STXBP6: variants seen among roughly 807,000 people sequenced by gnomAD.
The protein encoded by STXBP6 is syntaxin binding protein 6.
STXBP6 carries 21 observed loss-of-function variants against 26.9 expected under a neutral mutation model. That is an observed-to-expected ratio of 0.78 (90% CI 0.55 to 1.12). STXBP6 has a LOEUF of 1.12. Among genes scored for constraint, STXBP6 ranks in the 50% most tolerant of loss-of-function variants. The probability of loss-of-function intolerance (pLI) is 0.00; values close to 1 mark genes in which losing one functional copy is unlikely to be tolerated. For synonymous variants in STXBP6, 97 were observed against 92.6 expected (o/e 1.05, Z -0.27); for missense variants, 232 against 257.9 (o/e 0.90, Z 0.69).
intron 2 of STXBP6, among the ~76,000 whole-genome samples, chr14:24,907,632 T>A (rs1450211952): frequency 6.6e-6 from 1 of 152,154 alleles, no homozygotes; most frequent in African/African-American, 2.4e-5. Context: ...ATTTAATTTC[T>A]TAAGAATAAA....
At chr14:24,966,799 C>A (rs1595210248) in intron 2 of STXBP6, among the ~76,000 whole-genome samples, 1 of 152,306 alleles carries the variant, frequency 6.6e-6, no homozygotes, top group East Asian at 1.9e-4. Context: ...CCAGGGAGTT[C>A]ATTTGCTCTC....
intron 1 of STXBP6, among the ~76,000 whole-genome samples, chr14:25,028,683 C>T (rs923799335): frequency 1.3e-5 from 2 of 152,056 alleles, no homozygotes; most frequent in Non-Finnish European, 2.9e-5. Flanking sequence ...TTAAGAAATA[C>T]CTTTCATTAG....
intron 1 of STXBP6, among the ~76,000 whole-genome samples, chr14:25,014,307 C>T (rs769701104): frequency 2.0e-5 from 3 of 152,024 alleles, no homozygotes; most frequent in Non-Finnish European, 2.9e-5. Context: ...CCAGCCTGGC[C>T]AACATGGTGT....
At chr14:24,981,912 T>G (rs2074202578) in intron 1 of STXBP6, among the ~76,000 whole-genome samples, 1 of 152,164 alleles carries the variant, frequency 6.6e-6, no homozygotes, top group Non-Finnish European at 1.5e-5. Context: ...TTGGAAAAAT[T>G]GCCAAGAAAT....
intron 2 of STXBP6, among the ~76,000 whole-genome samples, chr14:24,867,128 C>T (rs1392600210): frequency 6.6e-6 from 1 of 152,118 alleles, no homozygotes; most frequent in African/African-American, 2.4e-5. Context: ...GCCATGAGAG[C>T]TCCAACCTCA....
intron 2 of STXBP6, among the ~76,000 whole-genome samples, chr14:24,946,527 G>T: frequency 6.6e-6 from 1 of 152,210 alleles, no homozygotes; most frequent in East Asian, 1.9e-4. Flanking sequence ...ATGCTACTGA[G>T]AGATTGGTGA....
chr14:24,969,719 A>G (rs534017709), intron 2 of STXBP6, among the ~76,000 whole-genome samples: 2 of 152,344 alleles, frequency 1.3e-5, no homozygotes, highest in South Asian at 4.1e-4. Context: ...CACATGAGTG[A>G]GCAAGAATGA....
At chr14:24,844,964 G>T (rs1195554380) in intron 4 of STXBP6, among the ~76,000 whole-genome samples, 1 of 151,670 alleles carries the variant, frequency 6.6e-6, no homozygotes, top group Non-Finnish European at 1.5e-5. Flanking sequence ...TCAAGGAAAA[G>T]AATGATTTTT....
intron 2 of STXBP6, among the ~76,000 whole-genome samples, chr14:24,922,333 G>A (rs2139821536): frequency 6.6e-6 from 1 of 152,130 alleles, no homozygotes; most frequent in Middle Eastern, 3.4e-3. Context: ...AGTGAGTGGG[G>A]GAACCAGGTA....
rs2072767731 is a variant in STXBP6 at position 24,940,621 on chromosome 14, TG to T, written c.154+34043del. Among the ~76,000 whole-genome samples the T allele has an allele frequency of 4.6e-5, 7 of 152,188 alleles. 2 individuals carry two copies. Among genetic ancestry groups the T allele is most frequent in the Admixed American group, 3.9e-4 (6 of 15,282 alleles). ...GGTATGTGTCAGAGACCTGTTGACC[TG>T]GATGCAAACCTTTTCCAAAATCAAT... On this transcript the variant is annotated intron_variant, in intron 2 of 5. Coordinates refer to ENST00000323944, the MANE Select transcript of STXBP6 (RefSeq NM_001394410.1).
chr14:25,003,448 A>C (rs1490317695), intron 1 of STXBP6, among the ~76,000 whole-genome samples: 1 of 152,210 alleles, frequency 6.6e-6, no homozygotes, highest in Non-Finnish European at 1.5e-5. Context: ...TAGGGAAACA[A>C]GTCAAATTAT....
Position 24,856,110 on chromosome 14 carries a change from G to T in STXBP6, c.286-9C>A, listed in dbSNP as rs756721326. Reference sequence around the variant, plus strand: ...TCAAACTCTGCCGAATCCTGGAAAAGACAATGAAATAACTACTAATCTCAA... The same window carrying T: ...TCAAACTCTGCCGAATCCTGGAAAATACAATGAAATAACTACTAATCTCAA... On this transcript the variant is annotated splice_polypyrimidine_tract_variant and intron_variant, in intron 3 of 5. Transcript: ENST00000323944. The T allele has an allele frequency of 6.3e-7, 1 of 1,584,916 alleles. No homozygotes were observed. The highest frequency in any genetic ancestry group is 1.9e-5 in the Admixed American group (1 of 53,728).
At chr14:25,005,794 G>C (rs1215080310) in intron 1 of STXBP6, among the ~76,000 whole-genome samples, 3 of 147,042 alleles carry the variant, frequency 2.0e-5, no homozygotes, top group East Asian at 3.9e-4. Flanking sequence ...ATTTAAAATA[G>C]TAGGGAAAAA....
Position 24,979,485 on chromosome 14 carries a change from A to C in STXBP6, c.-32-4635T>G, listed in dbSNP as rs140501023. ...ACGGAACTTCAGTTTGGTGAACCCA[A>C]ATAAGTTAGAAATAAGAGAAATAAG... is the stretch of plus-strand genomic sequence containing the variant. On this transcript the variant is annotated intron_variant, in intron 1 of 5. Coordinates refer to ENST00000323944, the MANE Select transcript of STXBP6 (RefSeq NM_001394410.1). Among the ~76,000 whole-genome samples, 909 of 152,348 alleles carry C rather than the reference A, an allele frequency of 6.0e-3. 1 individual carries two copies. Among genetic ancestry groups the C allele is most frequent in the Non-Finnish European group, 8.4e-3 (574 of 68,034 alleles).
At chr14:24,918,728 C>T (rs1188909191) in intron 2 of STXBP6, among the ~76,000 whole-genome samples, 1 of 152,020 alleles carries the variant, frequency 6.6e-6, no homozygotes, top group Admixed American at 6.6e-5. Flanking sequence ...GTGGCTGGTA[C>T]ATTCTCACCC....
intron 2 of STXBP6, among the ~76,000 whole-genome samples, chr14:24,879,187 A>G (rs892629506): frequency 6.6e-6 from 1 of 152,234 alleles, no homozygotes; most frequent in Non-Finnish European, 1.5e-5. Flanking sequence ...CATTCCTATC[A>G]AACAATGAAT....
chr14:24,876,311 A>T (rs1471802698), intron 2 of STXBP6, among the ~76,000 whole-genome samples: 1 of 152,156 alleles, frequency 6.6e-6, no homozygotes, highest in Non-Finnish European at 1.5e-5. Context: ...AATTCTGGAT[A>T]CTCTATGCTC....
rs560903081 is a variant in STXBP6, at chr14:24,982,512, C to A, written c.-32-7662G>T. On this transcript the variant is annotated intron_variant, in intron 1 of 5. Coordinates refer to ENST00000323944, the MANE Select transcript of STXBP6 (RefSeq NM_001394410.1). ...GTAAAAACAACACAACCGTACACAA[C>A]AGCCCTGGTCATACTGTTTAATTCT... 2.6e-4 allele frequency among the ~76,000 whole-genome samples: 39 copies of A among 152,336 alleles called. 1 individual carries two copies. The highest frequency in any genetic ancestry group is 9.4e-4 in the African/African-American group (39 of 41,586).
chr14:24,813,097 G>A (rs1268574839), intron 5 of STXBP6, among the ~76,000 whole-genome samples: 6 of 152,150 alleles, frequency 3.9e-5, no homozygotes, highest in African/African-American at 1.4e-4. Context: ...CTATTCAGGA[G>A]AAGCAACACC....
Sources: gnomAD v4.1 joint callset for allele counts (sites outside exome capture counted in the v4.1 genomes callset) on GRCh38, gnomAD v4.1.1 for gene constraint, MANE v1.5 for transcripts, NCBI Gene and HGNC (gene_info 2026-07-23, HGNC 2026-07-21) for gene names.